STK32C: variants seen among roughly 807,000 people sequenced by gnomAD.
STK32C encodes serine/threonine kinase 32C, also known as serine/threonine-protein kinase 32C.
STK32C carries 31 observed loss-of-function variants against 56.5 expected under a neutral mutation model. That is an observed-to-expected ratio of 0.55 (90% CI 0.41 to 0.74). The LOEUF (loss-of-function observed/expected upper bound fraction) is 0.74. Among genes scored for constraint, STK32C ranks in the 30% least tolerant of loss-of-function variants. STK32C has a pLI of 0.00. For missense variants in STK32C, 544 were observed against 676.9 expected, an observed-to-expected ratio of 0.80 and a Z score of 2.18; for synonymous variants, 309 against 289.4, an observed-to-expected ratio of 1.07 and a Z score of -0.69.
At chr10:132,304,932 C>A (rs1312594167) in intron 1 of STK32C, among the ~76,000 whole-genome samples, 2 of 152,228 alleles carry the variant, frequency 1.3e-5, no homozygotes, top group Non-Finnish European at 2.9e-5. Flanking sequence ...AGACTCAATG[C>A]TGTGACCCCG....
At chr10:132,243,007 G>A (rs551204219) in intron 2 of STK32C, among the ~76,000 whole-genome samples, 85 of 152,344 alleles carry the variant, frequency 5.6e-4, no homozygotes, top group Admixed American at 4.6e-4. Context: ...CAGAGGGGCC[G>A]GGGCTCGGCA....
chr10:132,321,351 T>C (rs983143132), downstream of STK32C, among the ~76,000 whole-genome samples: 2 of 152,172 alleles, frequency 1.3e-5, no homozygotes, highest in African/African-American at 4.8e-5. Flanking sequence ...TTGGCGTTCA[T>C]GGTACTAATT....
intron 10 of STK32C, among the ~76,000 whole-genome samples, chr10:132,217,053 C>G (rs1565065586): frequency 6.6e-6 from 1 of 152,016 alleles, no homozygotes; most frequent in Non-Finnish European, 1.5e-5. Context: ...CTCTACACCC[C>G]AGAATGGTAT....
chr10:132,226,993 T>C, intron 3 of STK32C, 25 bp from the exon 4 acceptor site: 1 of 1,611,824 alleles, frequency 6.2e-7, no homozygotes, highest in Non-Finnish European at 8.5e-7. Flanking sequence ...GGAAGGCCTG[T>C]TGTGCGCACA....
intron 2 of STK32C, among the ~76,000 whole-genome samples, chr10:132,228,732 G>A (rs531295225): frequency 7.9e-5 from 12 of 152,306 alleles, no homozygotes; most frequent in African/African-American, 2.6e-4. Flanking sequence ...AGAGCCCTGC[G>A]CTCAGGAAGC....
intron 1 of STK32C, among the ~76,000 whole-genome samples, chr10:132,280,754 C>T (rs2065170480): frequency 6.7e-6 from 1 of 149,108 alleles, no homozygotes; most frequent in Non-Finnish European, 1.5e-5. Flanking sequence ...CCCTTGCATT[C>T]CATGATCACT....
intron 2 of STK32C, among the ~76,000 whole-genome samples, chr10:132,237,651 G>T (rs1036641857): frequency 6.6e-6 from 1 of 152,220 alleles, no homozygotes; most frequent in Non-Finnish European, 1.5e-5. Flanking sequence ...GTGTGCCGGC[G>T]GGGCTGGCCC....
intron 11 of STK32C, among the ~76,000 whole-genome samples, 175 bp downstream of exon 11, chr10:132,208,859 C>A (rs1367557862): frequency 1.3e-5 from 2 of 152,168 alleles, no homozygotes; most frequent in Non-Finnish European, 1.5e-5. Flanking sequence ...CATGCCAGAG[C>A]CTGGCAGGGG....
At chr10:132,270,332 G>T (rs1247020451) in intron 1 of STK32C, among the ~76,000 whole-genome samples, 1 of 152,280 alleles carries the variant, frequency 6.6e-6, no homozygotes, top group Non-Finnish European at 1.5e-5. Flanking sequence ...TCCTTGCAGG[G>T]AGACACTGCT....
chr10:132,325,951 G>T (rs1372698708), intron 1 of STK32C, among the ~76,000 whole-genome samples: 1 of 152,094 alleles, frequency 6.6e-6, no homozygotes, highest in East Asian at 1.9e-4. Flanking sequence ...TCGATCTCCT[G>T]ACCTCGTGAC....
At chr10:132,226,435 T>C (rs1396721421) in intron 4 of STK32C, among the ~76,000 whole-genome samples, 2 of 152,232 alleles carry the variant, frequency 1.3e-5, no homozygotes, top group Non-Finnish European at 2.9e-5. Context: ...TAAAATTAGT[T>C]TGGATTCCCT....
At chr10:132,214,934 A>C (rs1239514634) in intron 10 of STK32C, among the ~76,000 whole-genome samples, 2 of 152,268 alleles carry the variant, frequency 1.3e-5, no homozygotes, top group African/African-American at 4.8e-5. Flanking sequence ...TAAAACCAGA[A>C]AAGGCAGAAA....
rs2065334583 is a variant in STK32C, at chr10:132,284,646, AT to A, written c.262+22925del. ...GCATGAACCCAGAACACATTCCCAC[AT>A]CTGCCCAAAGACCAGGCATGAACCC... On this transcript the variant is annotated intron_variant, in intron 1 of 11. Coordinates refer to ENST00000298630, the MANE Select transcript of STK32C (RefSeq NM_173575.4). 8.8e-4 allele frequency among the ~76,000 whole-genome samples: 109 copies of A among 123,206 alleles called. 3 individuals carry two copies. Among genetic ancestry groups the A allele is most frequent in the African/African-American group, 3.2e-3 (100 of 31,734 alleles). The allele number at this position is 123,206 out of a possible 152,430, so 80.8% of individuals were successfully genotyped here.
At chr10:132,287,861 G>A (rs1441190616) in intron 1 of STK32C, among the ~76,000 whole-genome samples, 1 of 152,124 alleles carries the variant, frequency 6.6e-6, no homozygotes, top group Non-Finnish European at 1.5e-5. Flanking sequence ...CTAATGAGTA[G>A]CAGAAATTTA....
At chr10:132,247,589 T>C (rs2137948761) in intron 1 of STK32C, among the ~76,000 whole-genome samples, 1 of 151,786 alleles carries the variant, frequency 6.6e-6, no homozygotes, top group South Asian at 2.1e-4. Flanking sequence ...AGGGGGTGCC[T>C]AGGTGAGGGG....
chr10:132,222,527 G>A, intron 10 of STK32C, 114 bp downstream of exon 10: 1 of 1,353,988 alleles, frequency 7.4e-7, no homozygotes, highest in Non-Finnish European at 9.9e-7. Flanking sequence ...GAAACGGTCT[G>A]CTGGACTTCC....
Position 132,307,873 on chromosome 10 carries a change from A to T in STK32C, c.-40T>A. 1 of 1,141,024 alleles carries T rather than the reference A, an allele frequency of 8.8e-7. No individual in the cohort carries two copies. The highest frequency in any genetic ancestry group is 1.9e-5 in the South Asian group (1 of 53,542). The allele number at this position is 1,141,024 out of a possible 1,614,324, so 70.7% of individuals were successfully genotyped here. On this transcript the variant is annotated 5_prime_UTR_variant, in exon 1 of 12. An upstream start codon of the reference 5' UTR is lost. Transcript: ENST00000298630. This position sits in a 1 kb window ranked among gnomAD's most constrained non-coding sequence, Gnocchi z 4.4. ...GCGCGCGGCAGCCGGAACTCGGGGC[A>T]TGGCCGGCCGGCAGGGCCGGGAGCG...
chr10:132,234,670 G>C (rs941094824), intron 2 of STK32C, among the ~76,000 whole-genome samples: 3 of 152,210 alleles, frequency 2.0e-5, no homozygotes, highest in Non-Finnish European at 4.4e-5. Context: ...GCCGGGGCAG[G>C]TGTGGCTGCC....
At chr10:132,331,288 AGGG>A (rs1482189731) in intron 1 of STK32C, 2 of 692,462 alleles carry the variant, frequency 2.9e-6, no homozygotes, top group African/African-American at 3.6e-5. Context: ...GGTGGGACAG[AGGG>A]TGCTACTTTT....
Sources: allele counts gnomAD v4.1 joint callset (sites outside exome capture counted in the v4.1 genomes callset), GRCh38; gene constraint gnomAD v4.1.1; non-coding constraint Gnocchi (gnomAD v3.1); transcripts MANE v1.5; gene names NCBI Gene and HGNC (gene_info 2026-07-23, HGNC 2026-07-21).